The following COL25A1 variants were observed in gnomAD, a reference collection of about 807,000 sequenced individuals.
COL25A1 encodes the protein collagen type XXV alpha 1 chain, also known as collagen alpha-1(XXV) chain.
A neutral mutation model predicts 128.4 loss-of-function variants in COL25A1; 103 were observed. The observed-to-expected ratio is 0.80, with a 90% CI of 0.68 to 0.94. The LOEUF (loss-of-function observed/expected upper bound fraction) is 0.94. Among genes scored for constraint, COL25A1 ranks in the 40% least tolerant of loss-of-function variants. The probability of loss-of-function intolerance (pLI) is 0.00; values close to 1 mark genes in which losing one functional copy is unlikely to be tolerated. For synonymous variants in COL25A1, 279 were observed against 277.2 expected, an observed-to-expected ratio of 1.01 and a Z score of -0.06; for missense variants, 745 against 840.0, an observed-to-expected ratio of 0.89 and a Z score of 1.40.
At chr4:109,143,176 C>T (rs908679966) in intron 3 of COL25A1, among the ~76,000 whole-genome samples, 1 of 152,130 alleles carries the variant, frequency 6.6e-6, no homozygotes, top group South Asian at 2.1e-4. Flanking sequence ...CTTAGTTTGG[C>T]TGGATATGAA....
chr4:109,087,142 G>A (rs1324366293), intron 3 of COL25A1, among the ~76,000 whole-genome samples: 1 of 151,942 alleles, frequency 6.6e-6, no homozygotes, highest in African/African-American at 2.4e-5. Flanking sequence ...AGATAGGAGA[G>A]AAGCAACATT....
At chr4:108,843,843 C>T (rs1448654260) in intron 30 of COL25A1, among the ~76,000 whole-genome samples, 3 of 151,876 alleles carry the variant, frequency 2.0e-5, no homozygotes, top group South Asian at 2.1e-4. Flanking sequence ...TTAAAGAGTT[C>T]AAACCTCAAA....
At chr4:108,852,707 A>T (rs1399423468) in intron 25 of COL25A1, among the ~76,000 whole-genome samples, 195 bp downstream of exon 25, 4 of 152,224 alleles carry the variant, frequency 2.6e-5, no homozygotes, top group African/African-American at 9.6e-5. Flanking sequence ...AAAATTAGCA[A>T]TCACTTTTTT....
At chr4:109,190,948 C>T (rs2126161544) in intron 3 of COL25A1, among the ~76,000 whole-genome samples, 1 of 152,268 alleles carries the variant, frequency 6.6e-6, no homozygotes, top group African/African-American at 2.4e-5. Flanking sequence ...TTGAGAATGG[C>T]TTTACTTTAT....
At chr4:109,224,400 T>A (rs1778637936) in intron 3 of COL25A1, among the ~76,000 whole-genome samples, 1 of 152,202 alleles carries the variant, frequency 6.6e-6, no homozygotes, top group South Asian at 2.1e-4. Flanking sequence ...AGATTATTTA[T>A]CCTTCTAAGT....
chr4:108,852,397 T>C, intron 25 of COL25A1, 117 bp from the exon 26 acceptor site: 1 of 773,950 alleles, frequency 1.3e-6, no homozygotes, highest in Non-Finnish European at 2.0e-6. Context: ...TCTCCCCAAA[T>C]ATAAATTTGC....
chr4:109,256,127 T>C (rs1266505118), intron 3 of COL25A1, among the ~76,000 whole-genome samples: 2 of 151,576 alleles, frequency 1.3e-5, no homozygotes, highest in Non-Finnish European at 2.9e-5. Flanking sequence ...TGTGTTTGAG[T>C]ACAAATTTAA....
intron 8 of COL25A1, among the ~76,000 whole-genome samples, chr4:108,958,165 A>G (rs1290188950): frequency 6.6e-6 from 1 of 152,132 alleles, no homozygotes; most frequent in Admixed American, 6.6e-5. Context: ...AAAATCAAAT[A>G]ATACTGACCC....
chr4:109,142,732 C>T (rs1414262353), intron 3 of COL25A1, among the ~76,000 whole-genome samples: 1 of 151,828 alleles, frequency 6.6e-6, no homozygotes, highest in South Asian at 2.1e-4. Flanking sequence ...ATTGCAATCC[C>T]TGCTTTTTTT....
chr4:109,042,445 C>A (rs932928017), intron 5 of COL25A1, among the ~76,000 whole-genome samples: 2 of 152,034 alleles, frequency 1.3e-5, no homozygotes, highest in African/African-American at 4.8e-5. Context: ...ACTCTACCCC[C>A]AAACAGCCTT....
chr4:109,271,533 T>C (rs928987377), intron 3 of COL25A1, among the ~76,000 whole-genome samples: 1 of 152,240 alleles, frequency 6.6e-6, no homozygotes, highest in Non-Finnish European at 1.5e-5. Flanking sequence ...TTCACAGTAA[T>C]GTGAAAATCC....
At chr4:108,840,473 G>C (rs1209011253) in intron 31 of COL25A1, among the ~76,000 whole-genome samples, 1 of 152,058 alleles carries the variant, frequency 6.6e-6, no homozygotes, top group East Asian at 1.9e-4. Context: ...AGAATAAAGA[G>C]GCATGAACAC....
chr4:108,841,800 A>C, intron 30 of COL25A1, 79 bp from the exon 31 acceptor site: 1 of 1,117,438 alleles, frequency 8.9e-7, no homozygotes, highest in South Asian at 1.3e-5. Context: ...ATCACATAAC[A>C]AAAGAGATGT....
At chr4:108,819,567 G>A (rs765683428) in intron 35 of COL25A1, among the ~76,000 whole-genome samples, 28 of 152,106 alleles carry the variant, frequency 1.8e-4, no homozygotes, top group East Asian at 7.7e-4. Context: ...AGTTCCTTTC[G>A]GATCTTACAT....
chr4:109,022,308 A>G (rs1757853234), intron 5 of COL25A1: 2 of 353,724 alleles, frequency 5.7e-6, no homozygotes, highest in Non-Finnish European at 1.1e-5. Flanking sequence ...GGTTCCCCCG[A>G]TATTTCACGA....
chr4:109,166,784 A>G (rs1230372553), intron 3 of COL25A1, among the ~76,000 whole-genome samples: 3 of 152,228 alleles, frequency 2.0e-5, no homozygotes, highest in Non-Finnish European at 4.4e-5. Context: ...TTCATTGAGT[A>G]TGAATCTAAT....
chr4:108,856,955 T>C (rs1306181559), intron 24 of COL25A1, among the ~76,000 whole-genome samples: 2 of 152,028 alleles, frequency 1.3e-5, no homozygotes, highest in African/African-American at 4.8e-5. Context: ...ATCAATGAAG[T>C]ATAGATACAT....
At chr4:109,290,811 TGTG>T (rs1283570681) in intron 3 of COL25A1, among the ~76,000 whole-genome samples, 1 of 152,078 alleles carries the variant, frequency 6.6e-6, no homozygotes, top group Admixed American at 6.6e-5. Flanking sequence ...TTTACGAATT[TGTG>T]TTGGACTACA....
intron 14 of COL25A1, among the ~76,000 whole-genome samples, chr4:108,900,713 C>A (rs1428724714): frequency 6.6e-6 from 1 of 151,982 alleles, no homozygotes; most frequent in African/African-American, 2.4e-5. Flanking sequence ...CTGGAGGTGG[C>A]CAAATCTTGG....
Sources: allele counts gnomAD v4.1 joint callset (sites outside exome capture counted in the v4.1 genomes callset), GRCh38; gene constraint gnomAD v4.1.1; transcripts MANE v1.5; gene names NCBI Gene and HGNC (gene_info 2026-07-23, HGNC 2026-07-21).